Variants in THAP8 observed in about 807,000 individuals in gnomAD.
THAP8 encodes the protein THAP domain-containing protein 8.
In THAP8, 24 loss-of-function variants were observed where a neutral mutation model predicts 25.0. That is an observed-to-expected ratio of 0.96 (90% CI 0.69 to 1.35). The LOEUF (loss-of-function observed/expected upper bound fraction) is 1.35, where lower values mean the gene tolerates loss of function less well. Among genes scored for constraint, THAP8 ranks in the 40% most tolerant of loss-of-function variants. THAP8 has a pLI of 0.00. For synonymous variants in THAP8, 169 were observed against 157.6 expected (o/e 1.07, Z -0.54); for missense variants, 399 against 368.8 (o/e 1.08, Z -0.67).
Position 36,039,647 on chromosome 19 carries a change from C to A in THAP8, c.348G>T (p.Leu116=). ...AGACTGGGATGGCAGGGCTCTGGGG[C>A]AGGGGTGTATTCTTCTGTAGGGGAG... is the stretch of plus-strand genomic sequence containing the variant. ...PPPPLQKNTP[L]PQSPAIPVSG... The change falls in exon 3 of 4, where the codon CTG becomes CTT. Residue 116 remains leucine (L), a synonymous_variant. Coordinates refer to ENST00000292894, the MANE Select transcript of THAP8 (RefSeq NM_152658.3). The A allele has an allele frequency of 6.6e-7, 1 of 1,517,448 alleles. No individual in the cohort carries two copies. The allele number at this position is 1,517,448 out of a possible 1,614,324, so 94.0% of individuals were successfully genotyped here.
intron 3 of THAP8, 121 bp from the exon 4 acceptor site, chr19:36,035,713 G>C (rs1969413926): frequency 1.8e-6 from 2 of 1,093,674 alleles, no homozygotes; most frequent in Non-Finnish European, 2.7e-6. Flanking sequence ...GAAACAGAGA[G>C]AGATGTGGGG....
intron 3 of THAP8, among the ~76,000 whole-genome samples, chr19:36,036,430 G>A (rs988135789): frequency 9.9e-5 from 15 of 151,972 alleles, no homozygotes; most frequent in Non-Finnish European, 1.8e-4. Flanking sequence ...TGCAACACTT[G>A]GCTAATTTTT....
At chr19:36,046,176 T>G (rs1243375815) in intron 1 of THAP8, among the ~76,000 whole-genome samples, 4 of 152,078 alleles carry the variant, frequency 2.6e-5, no homozygotes, top group Non-Finnish European at 2.9e-5. Flanking sequence ...GAGTGAGTTC[T>G]CATGAGATCT....
rs1356868207 is a variant in THAP8 at position 36,040,088 on chromosome 19, C to T, written c.132G>A (p.Met44Ile). The T allele has an allele frequency of 1.2e-6, 2 of 1,612,898 alleles. No homozygotes were observed. The highest frequency in any genetic ancestry group is 2.2e-5 in the East Asian group (1 of 44,874). Reference protein sequence around the residue: ...GPRLQAWLQHMGCEHWVPSCH... With the variant: ...GPRLQAWLQHIGCEHWVPSCH... ...AGCTGGGCACCCAGTGCTCACAGCC[C>T]ATGTGCTGCAGCCAGGCCTGCAGCC... The change falls in exon 2 of 4, where the codon ATG becomes ATA. Residue 44 changes from methionine (M) to isoleucine (I), a missense_variant. Coordinates refer to ENST00000292894, the MANE Select transcript of THAP8 (RefSeq NM_152658.3).
In THAP8 at chr19:36,039,378, T is replaced by G. The variant is rs749802927; in HGVS notation, c.617A>C (p.Gln206Pro). The G allele has an allele frequency of 4.5e-6, 7 of 1,538,696 alleles. No individual in the cohort carries two copies. Among genetic ancestry groups the G allele is most frequent in the Non-Finnish European group, 5.2e-6 (6 of 1,146,580 alleles). The change falls in exon 3 of 4, where the codon CAG becomes CCG. Residue 206 changes from glutamine (Q) to proline (P), a missense_variant. Gln to Pro is a moderately conservative substitution (Grantham distance 76). Coordinates refer to ENST00000292894, the MANE Select transcript of THAP8 (RefSeq NM_152658.3). ...AQLQALERLA[Q>P]QLHGESLLAR... ...CAGCAGGCTCTCCCCGTGTAGCTGC[T>G]GTGCCAGCCGTTCCAGGGCCTGCAG...
chr19:36,039,303 C>T lies in THAP8; in HGVS notation c.672+20G>A, dbSNP rs967977155. On this transcript the variant is annotated intron_variant, in intron 3 of 3. Coordinates refer to ENST00000292894, the MANE Select transcript of THAP8 (RefSeq NM_152658.3). Reference sequence around the variant, plus strand: ...GGCCACCACCCATGGATGGGGCTGCCAGGCTGGGGTGCCACTCACCAGGCG... The same window carrying T: ...GGCCACCACCCATGGATGGGGCTGCTAGGCTGGGGTGCCACTCACCAGGCG... 2.8e-6 allele frequency: 4 copies of T among 1,445,262 alleles called. No homozygotes were observed. In the Admixed American group the frequency reaches 1.1e-4, roughly 40 times the overall value. The allele number at this position is 1,445,262 out of a possible 1,614,324, so 89.5% of individuals were successfully genotyped here. A position where few individuals can be genotyped will look rare whatever the true frequency, so the allele number is the denominator to read the frequency against.
chr19:36,045,548 C>A (rs981157154), intron 1 of THAP8, among the ~76,000 whole-genome samples: 1 of 152,148 alleles, frequency 6.6e-6, no homozygotes, highest in Non-Finnish European at 1.5e-5. Flanking sequence ...AAATTACAGG[C>A]GTGAACCACT....
intron 3 of THAP8, among the ~76,000 whole-genome samples, chr19:36,038,415 C>T (rs377024843): frequency 6.6e-6 from 1 of 151,960 alleles, no homozygotes; most frequent in East Asian, 1.9e-4. Context: ...GTGCCCACCA[C>T]AATGCTAATT....
intron 1 of THAP8, among the ~76,000 whole-genome samples, chr19:36,048,047 C>A (rs1478584128): frequency 6.6e-6 from 1 of 152,172 alleles, no homozygotes; most frequent in Non-Finnish European, 1.5e-5. Context: ...CAAAAGAATG[C>A]CAGTGAAAGT....
chr19:36,054,409 C>T (rs953041012), upstream of THAP8: 2 of 651,036 alleles, frequency 3.1e-6, no homozygotes, highest in African/African-American at 3.6e-5. Context: ...ACAGTCCCGC[C>T]CTCGTCACGT....
At chr19:36,047,574 G>T (rs1222966430) in intron 1 of THAP8, among the ~76,000 whole-genome samples, 1 of 152,224 alleles carries the variant, frequency 6.6e-6, no homozygotes, top group Non-Finnish European at 1.5e-5. Flanking sequence ...TGTAATCCCA[G>T]CACTTTGGTG....
In THAP8 at chr19:36,054,226, AG is replaced by A. The variant is rs757156612; in HGVS notation, c.-10del. ...CTGCAGTACTTGGGCATGGCTATCCAGCCCCCGCTGAGTTTTGCCGGGTCAG... is the reference window on the plus strand; with the variant it reads ...CTGCAGTACTTGGGCATGGCTATCCACCCCCGCTGAGTTTTGCCGGGTCAG... On this transcript the variant is annotated 5_prime_UTR_variant, in exon 1 of 4. Transcript: ENST00000292894. The A allele has an allele frequency of 1.1e-5, 17 of 1,612,490 alleles. No individual in the cohort carries two copies. In the South Asian group the frequency reaches 1.7e-4, roughly 16 times the overall value.
intron 1 of THAP8, among the ~76,000 whole-genome samples, chr19:36,041,916 A>G (rs1848598591): frequency 6.6e-6 from 1 of 152,068 alleles, no homozygotes; most frequent in African/African-American, 2.4e-5. Context: ...CCTTGTCTCT[A>G]CGAAAAAATA....
chr19:36,046,158 A>C (rs1969874040), intron 1 of THAP8, among the ~76,000 whole-genome samples: 1 of 152,056 alleles, frequency 6.6e-6, no homozygotes, highest in South Asian at 2.1e-4. Flanking sequence ...TGCTGTTCCC[A>C]TGATAGTGAG....
intron 1 of THAP8, among the ~76,000 whole-genome samples, chr19:36,053,490 G>A (rs1455149917): frequency 6.6e-6 from 1 of 150,626 alleles, no homozygotes; most frequent in Non-Finnish European, 1.5e-5. Flanking sequence ...GGGAGGTCGA[G>A]GTTGCAGTGA....
chr19:36,036,768 C>T (rs954000104), intron 3 of THAP8, among the ~76,000 whole-genome samples: 1 of 151,940 alleles, frequency 6.6e-6, no homozygotes, highest in African/African-American at 2.4e-5. Context: ...TGGCAAAACC[C>T]CGTCTCTACT....
At chr19:36,038,473 G>A (rs967455078) in intron 3 of THAP8, among the ~76,000 whole-genome samples, 2 of 151,318 alleles carry the variant, frequency 1.3e-5, no homozygotes, top group African/African-American at 4.9e-5. Flanking sequence ...GGCTGGTCTT[G>A]AACTCCTAGG....
At chr19:36,039,216 G>A (rs1001950038) in intron 3 of THAP8, 107 bp downstream of exon 3, 57 of 1,364,022 alleles carry the variant, frequency 4.2e-5, no homozygotes, top group South Asian at 6.5e-5. Context: ...TTGGAAACAC[G>A]GCTGAATGTT....
At position 36,054,181 on chromosome 19, in the gene THAP8, T is replaced by A. The variant is rs373525417; in HGVS notation, c.37A>T (p.Thr13Ser). Residue 13 changes from threonine to serine, a missense_variant, in exon 1 of 4, where the codon ACT becomes TCT. Transcript: ENST00000292894. ...TTGTCTGCACCCAGGCGGCCCGCAG[T>A]GTTGGAGCAGTTCGGCGCCCTGCAG... The part of the protein sequence containing the change: ...KYCRAPNCSN[T>S]AGRLGADNRP... The A allele has an allele frequency of 5.6e-6, 9 of 1,613,712 alleles. No homozygotes were observed. The highest frequency in any genetic ancestry group is 7.6e-6 in the Non-Finnish European group (9 of 1,179,940).
Sources: allele counts gnomAD v4.1 joint callset (sites outside exome capture counted in the v4.1 genomes callset), GRCh38; gene constraint gnomAD v4.1.1; transcripts MANE v1.5; gene names NCBI Gene and HGNC (gene_info 2026-07-23, HGNC 2026-07-21).